The following USH2A variants were observed in gnomAD, a reference collection of about 807,000 sequenced individuals.
The protein encoded by USH2A is Usher syndrome 2A (autosomal recessive, mild).
USH2A carries 443 observed loss-of-function variants against 538.9 expected under a neutral mutation model. The ratio of observed to expected loss-of-function variants is 0.82; its 90% CI spans 0.76 to 0.89. The LOEUF is 0.89. Ranked by LOEUF, USH2A falls within the 40% of genes least tolerant of loss-of-function variation. The pLI is 0.00. For missense variants in USH2A, 6,633 were observed against 6,324.8 expected (o/e 1.05, Z -1.65); for synonymous variants, 2,413 against 2,273.5 (o/e 1.06, Z -1.75).
rs548576772 is a variant in USH2A at position 215,934,042 on chromosome 1, A to G, written c.7300+574T>C. On this transcript the variant is annotated intron_variant, in intron 38 of 71. Transcript: ENST00000307340. The stretch of plus-strand genomic sequence containing the variant: ...AAATATTTAAAATAAAAATATGCAG[A>G]CTGTATCACATTTCACACATGAATG... 1.2e-3 allele frequency among the ~76,000 whole-genome samples: 190 copies of G among 152,118 alleles called. 1 individual carries two copies. Among genetic ancestry groups the G allele is most frequent in the African/African-American group, 4.4e-3 (184 of 41,526 alleles).
chr1:215,899,037 T>C (rs552893885), intron 40 of USH2A, among the ~76,000 whole-genome samples: 2 of 152,328 alleles, frequency 1.3e-5, no homozygotes, highest in Admixed American at 6.5e-5. Context: ...AAGGTGGCTT[T>C]TTTTTGTAAA....
chr1:215,699,925 A>G (rs1211041323), intron 61 of USH2A, among the ~76,000 whole-genome samples: 1 of 152,166 alleles, frequency 6.6e-6, no homozygotes, highest in Non-Finnish European at 1.5e-5. Flanking sequence ...CCCATTCAGT[A>G]TGATATTGGC....
intron 21 of USH2A, among the ~76,000 whole-genome samples, chr1:216,149,328 C>T (rs1572001421): frequency 6.6e-6 from 1 of 152,190 alleles, no homozygotes; most frequent in Admixed American, 6.5e-5. Flanking sequence ...CTTCCCACCT[C>T]TATACAGTCT....
At chr1:216,221,804 G>A (rs935731063) in intron 14 of USH2A, among the ~76,000 whole-genome samples, 1 of 152,170 alleles carries the variant, frequency 6.6e-6, no homozygotes, top group African/African-American at 2.4e-5. Flanking sequence ...TATGATAGCA[G>A]AATCAAATTT....
intron 58 of USH2A, among the ~76,000 whole-genome samples, chr1:215,745,448 A>T (rs1397368195): frequency 2.6e-5 from 4 of 152,172 alleles, no homozygotes; most frequent in African/African-American, 9.7e-5. Flanking sequence ...TCCCTGTGTT[A>T]TGCCAGGCAA....
At chr1:215,636,179 C>T (rs758867064) in intron 69 of USH2A, among the ~76,000 whole-genome samples, 5 of 152,184 alleles carry the variant, frequency 3.3e-5, no homozygotes, top group Non-Finnish European at 5.9e-5. Context: ...GACAAATCTC[C>T]CCCTTTTCAA....
Position 216,073,244 on chromosome 1 carries a change from C to T in USH2A, c.5629G>A (p.Ala1877Thr), listed in dbSNP as rs1405365787. Residue 1877 changes from alanine (A) to threonine (T), a missense_variant, in exon 28 of 72, where the codon GCA becomes ACA. Coordinates refer to ENST00000307340, the MANE Select transcript of USH2A (RefSeq NM_206933.4). ...CTGACAGCACCGCTGGACACAGATG[C>T]CAAGTTAACGACAGCACCCCGTGTA... ...KFTRGAVVNL[A>T]SVSSGAVRVN... is the part of the protein sequence containing the mutation. 6.2e-7 allele frequency: 1 copy of T among 1,613,810 alleles called. No individual in the cohort carries two copies. The highest frequency in any genetic ancestry group is 1.1e-5 in the South Asian group (1 of 91,062).
intron 13 of USH2A, among the ~76,000 whole-genome samples, chr1:216,236,617 G>C (rs960637621): frequency 6.6e-6 from 1 of 152,094 alleles, no homozygotes; most frequent in Non-Finnish European, 1.5e-5. Context: ...CTTTAACACT[G>C]AAAAGGAAAA....
At chr1:216,197,600 C>T (rs1444573349) in intron 18 of USH2A, among the ~76,000 whole-genome samples, 1 of 152,138 alleles carries the variant, frequency 6.6e-6, no homozygotes, top group Non-Finnish European at 1.5e-5. Context: ...CTCCATATTC[C>T]TAACAGGTCA....
chr1:216,335,293 G>C (rs897635347), intron 4 of USH2A, among the ~76,000 whole-genome samples: 1 of 151,584 alleles, frequency 6.6e-6, no homozygotes, highest in Non-Finnish European at 1.5e-5. Flanking sequence ...TTTAAGTAGT[G>C]TTTAAAGTGA....
At chr1:216,277,660 A>G (rs2036696515) in intron 11 of USH2A, among the ~76,000 whole-genome samples, 1 of 152,084 alleles carries the variant, frequency 6.6e-6, no homozygotes, top group African/African-American at 2.4e-5. Context: ...ATAGTACACA[A>G]ATGTAGCTGC....
intron 30 of USH2A, among the ~76,000 whole-genome samples, chr1:216,049,689 C>G (rs1358757567): frequency 3.3e-5 from 5 of 152,074 alleles, no homozygotes; most frequent in Non-Finnish European, 2.9e-5. Flanking sequence ...TTTTAATATA[C>G]ATGTTTCCAT....
At chr1:215,865,712 G>T (rs1397444551) in intron 44 of USH2A, among the ~76,000 whole-genome samples, 1 of 152,160 alleles carries the variant, frequency 6.6e-6, no homozygotes, top group East Asian at 1.9e-4. Flanking sequence ...CCCAATACAA[G>T]TGTCACAGAT....
chr1:216,057,143 T>A (rs1332760024), intron 30 of USH2A, among the ~76,000 whole-genome samples: 1 of 152,182 alleles, frequency 6.6e-6, no homozygotes, highest in Non-Finnish European at 1.5e-5. Context: ...AAACTTTTTT[T>A]TTTAAAAAAC....
intron 4 of USH2A, among the ~76,000 whole-genome samples, chr1:216,331,587 T>C (rs2037863888): frequency 1.3e-5 from 2 of 152,122 alleles, no homozygotes; most frequent in African/African-American, 4.8e-5. Context: ...GATAGCATAA[T>C]TATCTACTCA....
Position 216,175,352 on chromosome 1 carries a change from T to A in USH2A, c.4527A>T (p.Leu1509=). ...TCATCATCGTGGTCATCAGAGCTGG[T>A]AGAGATGACTCTCTCCTTTCCAGCT... is the stretch of plus-strand genomic sequence containing the variant. ...IYQLERRESS[L]PALMTTMMKG... is the part of the protein sequence containing the mutation. Residue 1509 remains leucine (L), a synonymous_variant, in exon 21 of 72, where the codon CTA becomes CTT. Transcript: ENST00000307340. 1 of 1,613,852 alleles carries A rather than the reference T, an allele frequency of 6.2e-7. No individual in the cohort carries two copies. The highest frequency in any genetic ancestry group is 1.3e-5 in the African/African-American group (1 of 75,040).
At chr1:216,087,906 A>T (rs1182715654) in intron 23 of USH2A, among the ~76,000 whole-genome samples, 1 of 152,094 alleles carries the variant, frequency 6.6e-6, no homozygotes, top group East Asian at 1.9e-4. Context: ...AGCTAGTGTG[A>T]TCCTTTTAAA....
At chr1:216,078,057 T>C (rs771863795) in intron 27 of USH2A, 32 bp downstream of exon 27, 2 of 1,613,244 alleles carry the variant, frequency 1.2e-6, no homozygotes, top group South Asian at 1.1e-5. Flanking sequence ...CAGGGCTGTA[T>C]GGATTTGTGA....
Position 215,790,252 on chromosome 1 carries a change from T to C in USH2A, c.9989A>G (p.Asn3330Ser). 1.9e-6 allele frequency: 3 copies of C among 1,614,036 alleles called. No homozygotes were observed. Among genetic ancestry groups the C allele is most frequent in the Non-Finnish European group, 8.5e-7 (1 of 1,179,988 alleles). The part of the protein sequence containing the change: ...GMFCCGQDYV[N>S]MSDTICCSAS... ...TGAGCAGCATATGGTATCTGACATA[T>C]TCACATAATCCTGCCCACAACAGAA... Residue 3330 changes from asparagine (N) to serine (S), a missense_variant, in exon 51 of 72, where the codon AAT becomes AGT. Coordinates refer to ENST00000307340, the MANE Select transcript of USH2A (RefSeq NM_206933.4).
Sources: allele counts gnomAD v4.1 joint callset (sites outside exome capture counted in the v4.1 genomes callset), GRCh38; gene constraint gnomAD v4.1.1; transcripts MANE v1.5; gene names NCBI Gene and HGNC (gene_info 2026-07-23, HGNC 2026-07-21).